TIMM23B: variants seen among roughly 807,000 people sequenced by gnomAD.
TIMM23B encodes the protein translocase of inner mitochondrial membrane 23 homolog B.
A neutral mutation model predicts 27.3 loss-of-function variants in TIMM23B; 27 were observed. The observed-to-expected ratio is 0.99, with a 90% CI of 0.73 to 1.36. TIMM23B has a LOEUF of 1.36. Ranked by LOEUF, TIMM23B falls within the 40% of genes most tolerant of loss-of-function variation. TIMM23B has a pLI of 0.00. For missense variants in TIMM23B, 205 were observed against 244.2 expected, an observed-to-expected ratio of 0.84 and a Z score of 1.07; for synonymous variants, 73 against 92.4, an observed-to-expected ratio of 0.79 and a Z score of 1.21.
intron 6 of TIMM23B, 55 bp from the exon 7 acceptor site, chr10:49,972,957 C>A (rs1438680436): frequency 2.3e-6 from 2 of 888,806 alleles, no homozygotes; most frequent in Non-Finnish European, 3.5e-6. Context: ...TGATATCAAT[C>A]TCTTGTTCAT....
chr10:49,953,934 T>C (rs1474068505), intron 4 of TIMM23B, among the ~76,000 whole-genome samples: 1 of 152,180 alleles, frequency 6.6e-6, no homozygotes, highest in Non-Finnish European at 1.5e-5. Flanking sequence ...AAATACAAAT[T>C]TGGAAGTAGA....
chr10:49,966,779 C>G (rs531609328), intron 6 of TIMM23B, among the ~76,000 whole-genome samples: 1 of 149,366 alleles, frequency 6.7e-6, no homozygotes, highest in Non-Finnish European at 1.5e-5. Context: ...GAGGCAAGAT[C>G]GCGCCACTGC....
chr10:49,966,558 G>T (rs1413077098), intron 6 of TIMM23B, among the ~76,000 whole-genome samples: 11 of 152,026 alleles, frequency 7.2e-5, no homozygotes, highest in Admixed American at 2.0e-4. Flanking sequence ...GGGTGTGGTG[G>T]CTCACACCTG....
In TIMM23B at chr10:49,958,444, G is replaced by C. The variant is rs1338124479; in HGVS notation, c.478G>C (p.Ala160Pro). ...GAEDDLNTVA[A>P]GTMTGMLYKC... Reference sequence around the variant, plus strand: ...AGAAGATGACCTTAACACAGTAGCAGCTGGAACCATGACAGGCATGTTGTA... The same window carrying C: ...AGAAGATGACCTTAACACAGTAGCACCTGGAACCATGACAGGCATGTTGTA... Residue 160 changes from alanine to proline, a missense_variant, in exon 6 of 7, where the codon GCT (alanine) becomes CCT (proline). Transcript: ENST00000651259. 15 of 1,613,562 alleles carry C rather than the reference G, an allele frequency of 9.3e-6. No individual in the cohort carries two copies. The highest frequency in any genetic ancestry group is 1.3e-5 in the Non-Finnish European group (15 of 1,179,638).
intron 6 of TIMM23B, among the ~76,000 whole-genome samples, chr10:49,967,340 T>C (rs2805287): frequency 1.3e-5 from 2 of 152,224 alleles, no homozygotes; most frequent in African/African-American, 2.4e-5. Context: ...TTAGAGTGCC[T>C]AAGGTCATTT....
intron 1 of TIMM23B, among the ~76,000 whole-genome samples, chr10:49,943,738 T>G (rs74134608): frequency 1.2e-4 from 8 of 64,340 alleles, no homozygotes; most frequent in Admixed American, 5.2e-4. Context: ...TTTTTGTGGG[T>G]TTTTTTTTTT....
chr10:49,969,138 C>T (rs1349609635), intron 6 of TIMM23B, among the ~76,000 whole-genome samples: 3 of 152,072 alleles, frequency 2.0e-5, no homozygotes, highest in South Asian at 4.2e-4. Context: ...TTAGTGTGCC[C>T]GTGTTCATAA....
intron 2 of TIMM23B, among the ~76,000 whole-genome samples, chr10:49,949,967 G>A (rs1839472919): frequency 6.6e-6 from 1 of 152,000 alleles, no homozygotes; most frequent in African/African-American, 2.4e-5. Context: ...TTACAAGCAT[G>A]AGCTACTGTG....
At chr10:49,946,253 A>G (rs2133050157) in intron 2 of TIMM23B, among the ~76,000 whole-genome samples, 1 of 150,530 alleles carries the variant, frequency 6.6e-6, no homozygotes, top group East Asian at 2.0e-4. Flanking sequence ...TCTACAGAAT[A>G]TCCAAAGCTA....
chr10:49,959,210 G>T (rs1273978293), intron 6 of TIMM23B, among the ~76,000 whole-genome samples: 1 of 151,940 alleles, frequency 6.6e-6, no homozygotes, highest in Non-Finnish European at 1.5e-5. Flanking sequence ...ATTCATTTTA[G>T]TTTAGTTTTT....
intron 4 of TIMM23B, chr10:49,954,156 C>T (rs1460344452): frequency 7.9e-4 from 129 of 162,326 alleles, no homozygotes; most frequent in Non-Finnish European, 1.3e-3. Context: ...TTAATTGAGT[C>T]GTTTAATAAT....
chr10:49,953,019 G>A (rs1477888968), intron 4 of TIMM23B, among the ~76,000 whole-genome samples: 1 of 152,196 alleles, frequency 6.6e-6, no homozygotes, highest in African/African-American at 2.4e-5. Context: ...TTTAGAATTA[G>A]AGTTAACTCC....
At chr10:49,945,986 T>C (rs2133049479) in intron 2 of TIMM23B, among the ~76,000 whole-genome samples, 1 of 152,338 alleles carries the variant, frequency 6.6e-6, no homozygotes, top group Admixed American at 6.5e-5. Context: ...GGCCAGGAGT[T>C]TGAGACCAGC....
chr10:49,957,706 G>C (rs1339488238), intron 5 of TIMM23B, among the ~76,000 whole-genome samples: 5 of 152,190 alleles, frequency 3.3e-5, no homozygotes, highest in African/African-American at 1.2e-4. Context: ...TCACTTTCCT[G>C]CAAGTCCCAT....
Position 49,958,470 on chromosome 10 carries a change from T to G in TIMM23B, c.504T>G (p.Tyr168Ter). The G allele has an allele frequency of 3.7e-6, 6 of 1,612,818 alleles. No homozygotes were observed. The highest frequency in any genetic ancestry group is 5.1e-6 in the Non-Finnish European group (6 of 1,178,850). ...VAAGTMTGML[Y>*]KCTVSEMALD... is the part of the protein sequence containing the mutation. ...CTGGAACCATGACAGGCATGTTGTATAAATGTACAGGTGAGTACTGTTGAA... is the reference window on the plus strand; with the variant it reads ...CTGGAACCATGACAGGCATGTTGTAGAAATGTACAGGTGAGTACTGTTGAA... Residue 168 changes from tyrosine (Y) to a stop codon, truncating the protein, a stop_gained, in exon 6 of 7, where the codon TAT (tyrosine) becomes TAG (stop). Coordinates refer to ENST00000651259, the MANE Select transcript of TIMM23B (RefSeq NM_001290117.2). LOFTEE classifies it high-confidence loss of function.
intron 2 of TIMM23B, among the ~76,000 whole-genome samples, chr10:49,950,349 A>G (rs1839486290): frequency 6.6e-6 from 1 of 151,542 alleles, no homozygotes; most frequent in Non-Finnish European, 1.5e-5. Flanking sequence ...GCTTTTTAGT[A>G]AATCTTCTAT....
intron 5 of TIMM23B, among the ~76,000 whole-genome samples, chr10:49,955,489 A>G (rs1291791050): frequency 6.6e-6 from 1 of 152,208 alleles, no homozygotes; most frequent in African/African-American, 2.4e-5. Context: ...ACCTGAGTAG[A>G]TTTCAGGCAC....
chr10:49,947,068 T>C (rs1250523248), intron 2 of TIMM23B, among the ~76,000 whole-genome samples: 1 of 152,184 alleles, frequency 6.6e-6, no homozygotes, highest in Non-Finnish European at 1.5e-5. Flanking sequence ...CTGGAATCCA[T>C]ATGCATAAGA....
At chr10:49,969,634 C>T (rs1554856103) in intron 6 of TIMM23B, among the ~76,000 whole-genome samples, 5 of 151,622 alleles carry the variant, frequency 3.3e-5, no homozygotes, top group Non-Finnish European at 5.9e-5. Context: ...GTCAAGGCTG[C>T]AGTGAGCCGT....
Sources: allele counts gnomAD v4.1 joint callset (sites outside exome capture counted in the v4.1 genomes callset), GRCh38; gene constraint gnomAD v4.1.1; transcripts MANE v1.5; gene names NCBI Gene and HGNC (gene_info 2026-07-23, HGNC 2026-07-21).